TMPRSS12: variants seen among roughly 807,000 people sequenced by gnomAD.
The protein encoded by TMPRSS12 is transmembrane serine protease 12, also known as transmembrane protease serine 12.
TMPRSS12 carries 25 observed loss-of-function variants against 26.0 expected under a neutral mutation model. The ratio of observed to expected loss-of-function variants is 0.96; its 90% CI spans 0.70 to 1.34. TMPRSS12 has a LOEUF of 1.34. TMPRSS12 is among the 40% of genes most tolerant of loss of function. The pLI is 0.00. For missense variants in TMPRSS12, 441 were observed against 440.1 expected (o/e 1.00, Z -0.02); for synonymous variants, 150 against 161.7 (o/e 0.93, Z 0.55).
At chr12:50,847,462 GT>G (rs532899835) in intron 2 of TMPRSS12, among the ~76,000 whole-genome samples, 1,607 of 151,812 alleles carry the variant, frequency 0.011, 29 homozygotes, top group African/African-American at 0.037. Flanking sequence ...TCATCCTTTT[GT>G]TTTTTTTATT....
rs1352798491 is a variant in TMPRSS12 at position 50,844,015 on chromosome 12, G to A, written c.361G>A (p.Ala121Thr). 13 of 1,593,222 alleles carry A rather than the reference G, an allele frequency of 8.2e-6. No individual in the cohort carries two copies. In the South Asian group the frequency reaches 1.4e-4, roughly 17 times the overall value. Residue 121 changes from alanine (A) to threonine (T), a missense_variant, in exon 2 of 5, where the codon GCC becomes ACC. Coordinates refer to ENST00000398458, the MANE Select transcript of TMPRSS12 (RefSeq NM_182559.3). The part of the protein sequence containing the change: ...LVRERWVLTA[A>T]HCTKDASDPL... Reference sequence around the variant, plus strand: ...GAGAGAGAGGTGGGTCCTCACAGCTGCCCACTGCACTAAAGACGCTAGGTA... The same window carrying A: ...GAGAGAGAGGTGGGTCCTCACAGCTACCCACTGCACTAAAGACGCTAGGTA...
At chr12:50,874,387 C>T (rs937387132) in intron 3 of TMPRSS12, among the ~76,000 whole-genome samples, 1 of 151,916 alleles carries the variant, frequency 6.6e-6, no homozygotes, top group African/African-American at 2.4e-5. Flanking sequence ...GGAATTTCTT[C>T]AAAAAATGCA....
intron 2 of TMPRSS12, among the ~76,000 whole-genome samples, chr12:50,845,209 C>G (rs2139717997): frequency 6.6e-6 from 1 of 152,328 alleles, no homozygotes; most frequent in East Asian, 1.9e-4. Flanking sequence ...GATCCACTTC[C>G]ATGCCAAATC....
chr12:50,878,200 G>GAAAA (rs36087199), intron 3 of TMPRSS12, among the ~76,000 whole-genome samples: 5 of 139,690 alleles, frequency 3.6e-5, no homozygotes, highest in East Asian at 2.1e-4. Context: ...TTATTTTGGG[G>GAAAA]AAAAAAAAAA....
At chr12:50,877,640 A>G (rs1346024284) in intron 3 of TMPRSS12, among the ~76,000 whole-genome samples, 1 of 152,184 alleles carries the variant, frequency 6.6e-6, no homozygotes, top group African/African-American at 2.4e-5. Flanking sequence ...TCACTCTTTC[A>G]CCCAGGGTGG....
chr12:50,872,883 T>C lies in TMPRSS12; in HGVS notation c.653-12363T>C, dbSNP rs1462936901. On this transcript the variant is annotated intron_variant, in intron 3 of 4. Transcript: ENST00000398458. ...ATATGACTATATATGTACATATATA[T>C]GACGTATATATGTACATATATATGA... is the stretch of plus-strand genomic sequence containing the variant. Among the ~76,000 whole-genome samples, 4 of 113,004 alleles carry C rather than the reference T, an allele frequency of 3.5e-5. 1 individual carries two copies. The highest frequency in any genetic ancestry group is 1.3e-4 in the African/African-American group (4 of 30,144). 74.1% of individuals were successfully genotyped at this position (113,004 alleles called of 152,430 possible).
chr12:50,850,066 G>A (rs943127553), intron 2 of TMPRSS12, among the ~76,000 whole-genome samples: 2 of 152,158 alleles, frequency 1.3e-5, no homozygotes, highest in African/African-American at 2.4e-5. Context: ...ATGTTATTAT[G>A]TGTGTCACTA....
At chr12:50,849,834 T>G (rs1937808426) in intron 2 of TMPRSS12, among the ~76,000 whole-genome samples, 1 of 152,192 alleles carries the variant, frequency 6.6e-6, no homozygotes. Context: ...CATACAGTCA[T>G]GTGATTACCA....
intron 2 of TMPRSS12, among the ~76,000 whole-genome samples, chr12:50,847,268 AG>A (rs1470575063): frequency 6.6e-6 from 1 of 151,856 alleles, no homozygotes; most frequent in Non-Finnish European, 1.5e-5. Flanking sequence ...CGTGTTAGCC[AG>A]GATGGTCTCC....
At chr12:50,844,083 T>C in intron 2 of TMPRSS12, 46 bp downstream of exon 2, 2 of 1,450,130 alleles carry the variant, frequency 1.4e-6, no homozygotes, top group African/African-American at 1.4e-5. Flanking sequence ...AGGGGATATT[T>C]TGAAGTGATA....
intron 3 of TMPRSS12, among the ~76,000 whole-genome samples, chr12:50,881,155 A>T (rs1224285967): frequency 6.6e-6 from 1 of 151,210 alleles, no homozygotes; most frequent in African/African-American, 2.4e-5. Context: ...CTAATTTTTT[A>T]TATTTTTAGT....
intron 2 of TMPRSS12, among the ~76,000 whole-genome samples, chr12:50,851,879 CG>C (rs1309150594): frequency 6.6e-6 from 1 of 152,182 alleles, no homozygotes; most frequent in East Asian, 1.9e-4. Flanking sequence ...CAGAAAAGAT[CG>C]GGGCAGTCTA....
intron 3 of TMPRSS12, among the ~76,000 whole-genome samples, chr12:50,861,794 C>G (rs1444980625): frequency 6.6e-6 from 1 of 151,818 alleles, no homozygotes; most frequent in East Asian, 1.9e-4. Flanking sequence ...TCATGTATTT[C>G]CACTGTATTA....
chr12:50,882,769 C>T (rs1938188655), intron 3 of TMPRSS12, among the ~76,000 whole-genome samples: 1 of 29,138 alleles, frequency 3.4e-5, no homozygotes, highest in Admixed American at 2.7e-4. Flanking sequence ...GGAATTGAAT[C>T]AGTAGATTTC....
rs1009758267 is a variant in TMPRSS12 at position 50,887,646 on chromosome 12, T to C, written c.*133T>C. On this transcript the variant is annotated 3_prime_UTR_variant, in exon 5 of 5. Coordinates refer to ENST00000398458, the MANE Select transcript of TMPRSS12 (RefSeq NM_182559.3). ...TTTCATGTGAACATTTTATGGGCTA[T>C]AAGTATTGTGACAGATATACAATTG... is the stretch of plus-strand genomic sequence containing the variant. 9 of 1,167,480 alleles carry C rather than the reference T, an allele frequency of 7.7e-6. No individual in the cohort carries two copies. In the African/African-American group the frequency reaches 1.2e-4, roughly 16 times the overall value. 72.3% of individuals were successfully genotyped at this position (1,167,480 alleles called of 1,614,324 possible). A position where few individuals can be genotyped will look rare whatever the true frequency, so the allele number is the denominator to read the frequency against.
intron 3 of TMPRSS12, among the ~76,000 whole-genome samples, chr12:50,877,102 A>T (rs768032492): frequency 1.3e-5 from 2 of 152,176 alleles, no homozygotes; most frequent in Non-Finnish European, 2.9e-5. Context: ...ATTTGGGGGT[A>T]CTATGCTCAG....
At chr12:50,858,084 T>G (rs368108418) in intron 2 of TMPRSS12, among the ~76,000 whole-genome samples, 1 of 152,182 alleles carries the variant, frequency 6.6e-6, no homozygotes, top group Non-Finnish European at 1.5e-5. Context: ...CCTCGTGATC[T>G]GCCTGCCTTG....
chr12:50,869,783 T>C (rs950855935), intron 3 of TMPRSS12, among the ~76,000 whole-genome samples: 4 of 151,904 alleles, frequency 2.6e-5, no homozygotes, highest in Non-Finnish European at 5.9e-5. Context: ...CAACAACATA[T>C]CAAAAAGATA....
At chr12:50,883,717 G>A (rs1346298866) in intron 3 of TMPRSS12, among the ~76,000 whole-genome samples, 1 of 152,070 alleles carries the variant, frequency 6.6e-6, no homozygotes, top group Non-Finnish European at 1.5e-5. Context: ...AAAATGAGAA[G>A]TCTCAGCTGG....
Sources: gnomAD v4.1 joint callset for allele counts (sites outside exome capture counted in the v4.1 genomes callset) on GRCh38, gnomAD v4.1.1 for gene constraint, MANE v1.5 for transcripts, NCBI Gene and HGNC (gene_info 2026-07-23, HGNC 2026-07-21) for gene names.